Variants in THSD7A observed in about 807,000 individuals in gnomAD.
THSD7A encodes thrombospondin type-1 domain-containing protein 7A.
In THSD7A, 96 loss-of-function variants were observed where a neutral mutation model predicts 231.3. The observed-to-expected ratio is 0.41, with a 90% CI of 0.35 to 0.49. The LOEUF (loss-of-function observed/expected upper bound fraction) is 0.49. Among genes scored for constraint, THSD7A ranks in the 20% least tolerant of loss-of-function variants. The pLI, the probability that THSD7A is intolerant of heterozygous loss-of-function variation, is 0.05. For synonymous variants in THSD7A, 940 were observed against 743.3 expected (o/e 1.26, Z -4.30); for missense variants, 2,290 against 2,070.2 (o/e 1.11, Z -2.06).
rs1015746084 is a variant in THSD7A, at chr7:11,512,942, G to GATATATATACATATATATATATATATAT, written c.1822+28476_1822+28477insATATATATATATATATATGTATATATAT. On this transcript the variant is annotated intron_variant, in intron 6 of 27. Transcript: ENST00000423059. ...TAAAGTATAATAAAAAAGAAACTATGATATATATATATATATATGTAAAAT... is the reference window on the plus strand; with the variant it reads ...TAAAGTATAATAAAAAAGAAACTATGATATATATACATATATATATATATATATATATATATATATATATATGTAAAAT... 1.5e-3 allele frequency among the ~76,000 whole-genome samples: 156 copies of GATATATATACATATATATATATATATAT among 101,974 alleles called. 4 individuals are homozygous for GATATATATACATATATATATATATATAT. Among genetic ancestry groups the GATATATATACATATATATATATATATAT allele is most frequent in the African/African-American group, 6.6e-3 (143 of 21,616 alleles). 66.9% of individuals were successfully genotyped at this position (101,974 alleles called of 152,430 possible).
chr7:11,581,169 T>C (rs536444604), intron 4 of THSD7A, among the ~76,000 whole-genome samples: 1 of 152,166 alleles, frequency 6.6e-6, no homozygotes, highest in African/African-American at 2.4e-5. Context: ...TATAATGTCT[T>C]AATAAATGTA....
intron 1 of THSD7A, among the ~76,000 whole-genome samples, chr7:11,648,149 G>T (rs965168005): frequency 3.3e-5 from 5 of 152,004 alleles, no homozygotes; most frequent in Admixed American, 1.3e-4. Flanking sequence ...TAGGCTACTT[G>T]TCCCTTGGTA....
intron 1 of THSD7A, among the ~76,000 whole-genome samples, chr7:11,723,591 T>C (rs994979410): frequency 7.9e-5 from 12 of 151,956 alleles, no homozygotes; most frequent in African/African-American, 2.9e-4. Context: ...GTTCATATTA[T>C]GTATTTGTTG....
intron 2 of THSD7A, among the ~76,000 whole-genome samples, chr7:11,627,188 T>C (rs112551335): frequency 0.086 from 13,139 of 152,118 alleles, 624 homozygotes; most frequent in South Asian, 0.14. Flanking sequence ...CCATGGCACA[T>C]GTAAACCTGT....
In THSD7A at chr7:11,636,882, C is replaced by T. The variant is rs1052237712; in HGVS notation, c.270G>A (p.Glu90=). Residue 90 remains glutamate, a synonymous_variant, in exon 2 of 28, where the codon GAG becomes GAA. Transcript: ENST00000423059. The surrounding 1 kb of genome is among the most constrained non-coding windows in gnomAD (Gnocchi z 10.0). ...QTRAVWCAHV[E]GWTTLHTNCK... is the part of the protein sequence containing the mutation. ...AGTTAGTATGCAGTGTAGTCCATCC[C>T]TCCACATGAGCACACCACACAGCCC... The T allele has an allele frequency of 2.5e-6, 4 of 1,613,888 alleles. No homozygotes were observed. Among genetic ancestry groups the T allele is most frequent in the Non-Finnish European group, 3.4e-6 (4 of 1,179,870 alleles).
At chr7:11,758,182 C>T (rs1240391878) in intron 1 of THSD7A, among the ~76,000 whole-genome samples, 1 of 151,650 alleles carries the variant, frequency 6.6e-6, no homozygotes, top group Non-Finnish European at 1.5e-5. Flanking sequence ...TTGCAGCAGG[C>T]TGAATTCAAA....
intron 1 of THSD7A, among the ~76,000 whole-genome samples, chr7:11,797,921 G>A (rs997793982): frequency 6.6e-5 from 10 of 152,048 alleles, no homozygotes; most frequent in Admixed American, 2.6e-4. Flanking sequence ...TTAGGATATC[G>A]CTTAAGAGAT....
At chr7:11,393,002 G>C (rs1452149354) in intron 23 of THSD7A, among the ~76,000 whole-genome samples, 1 of 152,228 alleles carries the variant, frequency 6.6e-6, no homozygotes, top group African/African-American at 2.4e-5. Context: ...GCTCTGAAGA[G>C]AGCAGTAGAT....
chr7:11,436,097 C>G (rs1328103254), intron 13 of THSD7A, among the ~76,000 whole-genome samples: 6 of 151,990 alleles, frequency 3.9e-5, no homozygotes, highest in Admixed American at 3.9e-4. Flanking sequence ...TGACTTTCTC[C>G]TCATATTTAA....
intron 13 of THSD7A, among the ~76,000 whole-genome samples, chr7:11,437,507 A>G (rs1454593416): frequency 1.3e-5 from 2 of 152,102 alleles, no homozygotes; most frequent in Non-Finnish European, 2.9e-5. Context: ...TTGAAAGGAA[A>G]AAAAGATTCC....
intron 4 of THSD7A, among the ~76,000 whole-genome samples, chr7:11,587,259 A>T (rs1382479179): frequency 6.6e-6 from 1 of 152,182 alleles, no homozygotes; most frequent in African/African-American, 2.4e-5. Context: ...ATAAGGGTAG[A>T]TTTCACGCCA....
At chr7:11,664,252 G>T (rs1190878933) in intron 1 of THSD7A, among the ~76,000 whole-genome samples, 2 of 151,828 alleles carry the variant, frequency 1.3e-5, no homozygotes, top group Non-Finnish European at 2.9e-5. Flanking sequence ...CAAAACATAT[G>T]TATGTTGTCC....
chr7:11,730,256 T>G (rs1220698582), intron 1 of THSD7A, among the ~76,000 whole-genome samples: 2 of 151,652 alleles, frequency 1.3e-5, no homozygotes, highest in East Asian at 3.9e-4. Flanking sequence ...TTAGAAATCA[T>G]AATTGATATT....
rs3031455 is a variant in THSD7A at position 11,648,637 on chromosome 7, CGT to C, written c.191-11678_191-11677del. Among the ~76,000 whole-genome samples the C allele has an allele frequency of 2.9e-3, 405 of 140,848 alleles. 2 individuals carry two copies. Among genetic ancestry groups the C allele is most frequent in the East Asian group, 0.018 (86 of 4,734 alleles). 92.4% of individuals were successfully genotyped at this position (140,848 alleles called of 152,430 possible). On this transcript the variant is annotated intron_variant, in intron 1 of 27. Transcript: ENST00000423059. ...TAGCTTGTCAGGATCTATTTTGTGG[CGT>C]GTGTGTGTGTGTGTGTGTGTGTGTG...
At chr7:11,752,433 C>A (rs562871889) in intron 1 of THSD7A, among the ~76,000 whole-genome samples, 14 of 152,122 alleles carry the variant, frequency 9.2e-5, no homozygotes, top group African/African-American at 3.4e-4. Flanking sequence ...AAAGCAATAT[C>A]AGTCCTTTTT....
intron 13 of THSD7A, among the ~76,000 whole-genome samples, chr7:11,435,417 T>A (rs1205259597): frequency 6.6e-6 from 1 of 152,094 alleles, no homozygotes; most frequent in African/African-American, 2.4e-5. Context: ...AGACCAATCA[T>A]CTGATTAGAG....
At chr7:11,547,506 G>T (rs1443284948) in intron 4 of THSD7A, among the ~76,000 whole-genome samples, 4 of 152,102 alleles carry the variant, frequency 2.6e-5, no homozygotes, top group Non-Finnish European at 5.9e-5. Context: ...GAAACTAGCA[G>T]ACCTCCACAG....
intron 23 of THSD7A, among the ~76,000 whole-genome samples, chr7:11,395,821 C>A (rs989173198): frequency 2.0e-5 from 3 of 151,956 alleles, no homozygotes; most frequent in Non-Finnish European, 4.4e-5. Flanking sequence ...CCACCGTGCC[C>A]GGCCCAGAAT....
intron 8 of THSD7A, 26 bp from the exon 9 acceptor site, chr7:11,470,020 G>A (rs1439998984): frequency 2.1e-6 from 3 of 1,425,014 alleles, no homozygotes; most frequent in Non-Finnish European, 2.9e-6. Flanking sequence ...GGAATTATTA[G>A]GCTTCAATAG....
Sources: allele counts gnomAD v4.1 joint callset (sites outside exome capture counted in the v4.1 genomes callset), GRCh38; gene constraint gnomAD v4.1.1; non-coding constraint Gnocchi (gnomAD v3.1); transcripts MANE v1.5; gene names NCBI Gene and HGNC (gene_info 2026-07-23, HGNC 2026-07-21).